RBPMS: variants seen among roughly 807,000 people sequenced by gnomAD.
RBPMS encodes the protein RNA-binding protein with multiple splicing.
In RBPMS, 7 loss-of-function variants were observed where a neutral mutation model predicts 26.8. That is an observed-to-expected ratio of 0.26 (90% CI 0.15 to 0.49). The LOEUF (loss-of-function observed/expected upper bound fraction) is 0.49. Among genes scored for constraint, RBPMS ranks in the 20% least tolerant of loss-of-function variants. The pLI, the probability that RBPMS is intolerant of heterozygous loss-of-function variation, is 0.98. For missense variants in RBPMS, 186 were observed against 250.0 expected, an observed-to-expected ratio of 0.74 and a Z score of 1.73; for synonymous variants, 96 against 93.3, an observed-to-expected ratio of 1.03 and a Z score of -0.17.
chr8:30,517,609 A>C (rs952087952), intron 5 of RBPMS, among the ~76,000 whole-genome samples: 2 of 152,174 alleles, frequency 1.3e-5, no homozygotes, highest in Non-Finnish European at 2.9e-5. Context: ...TTTAGCAAAC[A>C]TTTGAGGGGA....
chr8:30,412,459 T>C (rs929233962), intron 1 of RBPMS, among the ~76,000 whole-genome samples: 12 of 152,128 alleles, frequency 7.9e-5, no homozygotes, highest in African/African-American at 2.9e-4. Flanking sequence ...TTTTTTTTTT[T>C]TTGTAATTAT....
intron 1 of RBPMS, among the ~76,000 whole-genome samples, chr8:30,421,783 C>T (rs1006692609): frequency 5.3e-5 from 8 of 151,956 alleles, no homozygotes; most frequent in African/African-American, 1.9e-4. Context: ...GGTGAAATCC[C>T]GTCTCTACTA....
chr8:30,561,777 A>G (rs1827509218), intron 7 of RBPMS, among the ~76,000 whole-genome samples: 1 of 152,156 alleles, frequency 6.6e-6, no homozygotes, highest in Admixed American at 6.6e-5. Context: ...GAAGTGGGCA[A>G]AGGATGTTGG....
intron 7 of RBPMS, among the ~76,000 whole-genome samples, chr8:30,562,746 G>A (rs1827602550): frequency 1.3e-5 from 2 of 152,084 alleles, no homozygotes; most frequent in African/African-American, 4.8e-5. Flanking sequence ...CTCTCCGTTC[G>A]GCGGGGAGGG....
At chr8:30,436,075 A>G (rs1410497569) in intron 1 of RBPMS, among the ~76,000 whole-genome samples, 1 of 152,240 alleles carries the variant, frequency 6.6e-6, no homozygotes, top group African/African-American at 2.4e-5. Flanking sequence ...GACTCTTCTT[A>G]GTCCTTATGT....
intron 6 of RBPMS, among the ~76,000 whole-genome samples, chr8:30,555,384 T>A (rs1826774912): frequency 1.3e-5 from 2 of 152,236 alleles, no homozygotes; most frequent in African/African-American, 4.8e-5. Context: ...CCCAGGGTCG[T>A]CCACGTTGCC....
chr8:30,548,436 TGAGAGA>T (rs1308527256), intron 6 of RBPMS, among the ~76,000 whole-genome samples: 1 of 152,192 alleles, frequency 6.6e-6, no homozygotes, highest in Non-Finnish European at 1.5e-5. Flanking sequence ...TAAGTAGGAC[TGAGAGA>T]GAAAGTCCTG....
At chr8:30,543,712 A>T (rs1409986770) in intron 5 of RBPMS, among the ~76,000 whole-genome samples, 1 of 152,100 alleles carries the variant, frequency 6.6e-6, no homozygotes, top group African/African-American at 2.4e-5. Flanking sequence ...AGGCCCAGGC[A>T]CTTGCCCTTC....
chr8:30,538,586 ATCT>A (rs547346384), intron 5 of RBPMS, among the ~76,000 whole-genome samples: 161 of 152,234 alleles, frequency 1.1e-3, no homozygotes, highest in Non-Finnish European at 1.2e-4. Context: ...TTTCATAAAC[ATCT>A]TCATCTACAT....
At chr8:30,514,795 G>A (rs1822133834) in intron 5 of RBPMS, among the ~76,000 whole-genome samples, 2 of 148,646 alleles carry the variant, frequency 1.3e-5, no homozygotes, top group African/African-American at 5.0e-5. Flanking sequence ...CATAGTGCTG[G>A]GATTATAGGT....
intron 1 of RBPMS, chr8:30,446,819 G>A (rs992154172): frequency 1.0e-5 from 1 of 96,204 alleles, no homozygotes; most frequent in Non-Finnish European, 2.0e-5. Flanking sequence ...GTGTGTGTGT[G>A]TGTGTGTGTG....
intron 5 of RBPMS, among the ~76,000 whole-genome samples, chr8:30,518,614 G>C (rs1229794494): frequency 7.0e-6 from 1 of 143,062 alleles, no homozygotes; most frequent in Non-Finnish European, 1.5e-5. Flanking sequence ...TTTTAGTAGA[G>C]ATGGGGTTTC....
chr8:30,425,821 C>T (rs751751618), intron 1 of RBPMS, among the ~76,000 whole-genome samples: 4 of 152,116 alleles, frequency 2.6e-5, no homozygotes, highest in Non-Finnish European at 5.9e-5. Context: ...GTTCTCCTAA[C>T]AATCCTAGGA....
intron 4 of RBPMS, among the ~76,000 whole-genome samples, chr8:30,498,624 C>G (rs1415998644): frequency 1.3e-5 from 2 of 152,088 alleles, no homozygotes; most frequent in East Asian, 3.8e-4. Flanking sequence ...TACATTTAGA[C>G]TAAAGACAAA....
chr8:30,549,797 CCCT>C, intron 6 of RBPMS, among the ~76,000 whole-genome samples: 1 of 29,546 alleles, frequency 3.4e-5, no homozygotes, highest in African/African-American at 1.7e-4. Flanking sequence ...TCTCTCTCTC[CCCT>C]CTCTCCTCTC....
chr8:30,538,293 C>T (rs934392036), intron 5 of RBPMS, among the ~76,000 whole-genome samples: 5 of 151,870 alleles, frequency 3.3e-5, no homozygotes, highest in African/African-American at 9.7e-5. Flanking sequence ...CTCGCTCTGT[C>T]GCCCAGGCTG....
chr8:30,470,381 C>CT (rs1409633528), intron 1 of RBPMS, among the ~76,000 whole-genome samples: 1 of 150,062 alleles, frequency 6.7e-6, no homozygotes, highest in East Asian at 1.9e-4. Flanking sequence ...GAGATTCCAT[C>CT]TAAAAAAAAA....
At chr8:30,489,326 G>A (rs937242337) in intron 4 of RBPMS, among the ~76,000 whole-genome samples, 1 of 152,102 alleles carries the variant, frequency 6.6e-6, no homozygotes, top group Non-Finnish European at 1.5e-5. Flanking sequence ...GATTATAGCT[G>A]TGAGCCATTG....
chr8:30,502,420 A>G (rs774197980), intron 4 of RBPMS, among the ~76,000 whole-genome samples: 31 of 152,200 alleles, frequency 2.0e-4, no homozygotes, highest in African/African-American at 3.9e-4. Context: ...CTAGACCACA[A>G]CTAGGTCCCA....
Sources: gnomAD v4.1 joint callset for allele counts (sites outside exome capture counted in the v4.1 genomes callset) on GRCh38, gnomAD v4.1.1 for gene constraint, MANE v1.5 for transcripts, NCBI Gene and HGNC (gene_info 2026-07-23, HGNC 2026-07-21) for gene names.